Variants in CMSS1 observed in about 807,000 individuals in gnomAD.
The protein encoded by CMSS1 is cms1 ribosomal small subunit homolog, also known as protein CMSS1.
A neutral mutation model predicts 43.5 loss-of-function variants in CMSS1; 33 were observed. That is an observed-to-expected ratio of 0.76 (90% CI 0.57 to 1.01). CMSS1 has a LOEUF of 1.01. CMSS1 is among the 50% of genes least tolerant of loss of function. The pLI is 0.00. For missense variants in CMSS1, 313 were observed against 326.4 expected (o/e 0.96, Z 0.32); for synonymous variants, 115 against 117.2 (o/e 0.98, Z 0.12).
At chr3:100,114,693 C>G (rs2066541948) in intron 1 of CMSS1, among the ~76,000 whole-genome samples, 1 of 152,136 alleles carries the variant, frequency 6.6e-6, no homozygotes, top group Non-Finnish European at 1.5e-5. Context: ...TGTGTTGCTA[C>G]CCCAGATATA....
intron 1 of CMSS1, among the ~76,000 whole-genome samples, chr3:99,970,221 A>C (rs1037273010): frequency 6.6e-6 from 1 of 152,226 alleles, no homozygotes; most frequent in African/African-American, 2.4e-5. Flanking sequence ...AATAATAAGT[A>C]ATTTGCCCAA....
chr3:99,986,844 A>G (rs1709355931), intron 1 of CMSS1, among the ~76,000 whole-genome samples: 1 of 152,210 alleles, frequency 6.6e-6, no homozygotes, highest in Non-Finnish European at 1.5e-5. Context: ...CCTCCACAGC[A>G]AAGAGTTATT....
At chr3:100,176,226 C>G in intron 8 of CMSS1, 101 bp from the exon 9 acceptor site, 6 of 760,734 alleles carry the variant, frequency 7.9e-6, no homozygotes, top group Non-Finnish European at 1.3e-5. Context: ...GGGGAGAGGA[C>G]AACATATGAG....
chr3:100,162,907 C>G (rs538999620), intron 4 of CMSS1, among the ~76,000 whole-genome samples: 1 of 151,904 alleles, frequency 6.6e-6, no homozygotes, highest in South Asian at 2.1e-4. Flanking sequence ...TCTGGGAGGC[C>G]GAGGTTACAG....
rs143426035 is a variant in CMSS1 at position 100,138,597 on chromosome 3, A to G, written c.65-8376A>G. On this transcript the variant is annotated intron_variant, in intron 1 of 9. Coordinates refer to ENST00000421999, the MANE Select transcript of CMSS1 (RefSeq NM_032359.4). Reference sequence around the variant, plus strand: ...ACAGACATATGAAAAAAAGCTCAACATCACTGATCATTAGAGAAATGCAAA... The same window carrying G: ...ACAGACATATGAAAAAAAGCTCAACGTCACTGATCATTAGAGAAATGCAAA... 7.4e-4 allele frequency among the ~76,000 whole-genome samples: 112 copies of G among 152,368 alleles called. 1 individual carries two copies. In the East Asian group the frequency reaches 0.02, roughly 27 times the overall value.
chr3:99,836,221 A>C (rs910586372), intron 1 of CMSS1, among the ~76,000 whole-genome samples: 2 of 152,184 alleles, frequency 1.3e-5, no homozygotes, highest in Non-Finnish European at 2.9e-5. Context: ...GGGGAGTAGT[A>C]GTACAAATAA....
chr3:99,972,296 C>G (rs537233652), intron 1 of CMSS1, among the ~76,000 whole-genome samples: 16 of 152,164 alleles, frequency 1.1e-4, no homozygotes, highest in Middle Eastern at 3.4e-3. Context: ...GTTCATTTGC[C>G]GAATTGACTT....
chr3:99,933,573 C>A (rs1335105301), intron 1 of CMSS1, among the ~76,000 whole-genome samples: 4 of 152,092 alleles, frequency 2.6e-5, no homozygotes, highest in African/African-American at 9.7e-5. Context: ...AATTATCTTT[C>A]CCCACCCCTA....
intron 1 of CMSS1, among the ~76,000 whole-genome samples, chr3:100,143,308 G>A (rs72936575): frequency 0.033 from 4,962 of 152,256 alleles, 262 homozygotes; most frequent in African/African-American, 0.11. Context: ...CTAGCACTGT[G>A]TCAAATAAGA....
chr3:100,050,929 T>A (rs1935067261), intron 1 of CMSS1, among the ~76,000 whole-genome samples: 1 of 152,192 alleles, frequency 6.6e-6, no homozygotes, highest in Non-Finnish European at 1.5e-5. Flanking sequence ...GGAAGAGTCT[T>A]CAAGAATTTG....
At chr3:100,045,992 G>A (rs1459438465) in intron 1 of CMSS1, among the ~76,000 whole-genome samples, 1 of 152,158 alleles carries the variant, frequency 6.6e-6, no homozygotes, top group Non-Finnish European at 1.5e-5. Context: ...TGCATTCTTG[G>A]TGGAAAAATG....
At chr3:99,938,863 C>G (rs73858967) in intron 1 of CMSS1, among the ~76,000 whole-genome samples, 2,236 of 152,132 alleles carry the variant, frequency 0.015, 54 homozygotes, top group African/African-American at 0.052. Flanking sequence ...TATTGCCCTA[C>G]TCACCCACAT....
chr3:100,119,294 A>C (rs2066601019), intron 1 of CMSS1, among the ~76,000 whole-genome samples: 1 of 152,344 alleles, frequency 6.6e-6, no homozygotes, highest in Non-Finnish European at 1.5e-5. Context: ...TAGCAGAGCT[A>C]GATCACAGGA....
intron 1 of CMSS1, among the ~76,000 whole-genome samples, chr3:99,954,909 C>A (rs1020354005): frequency 6.6e-6 from 1 of 152,122 alleles, no homozygotes; most frequent in Admixed American, 6.6e-5. Flanking sequence ...CTAAGCACCA[C>A]GTCTGGCATA....
chr3:99,914,538 C>T (rs1286897344), intron 1 of CMSS1, among the ~76,000 whole-genome samples: 5 of 152,076 alleles, frequency 3.3e-5, no homozygotes, highest in Admixed American at 3.3e-4. Flanking sequence ...AACATCATAT[C>T]ATGTTTAAAT....
chr3:99,979,711 C>G (rs1709065752), intron 1 of CMSS1, among the ~76,000 whole-genome samples: 1 of 151,922 alleles, frequency 6.6e-6, no homozygotes, highest in African/African-American at 2.4e-5. Context: ...ATTTTTACAC[C>G]AACATTTATG....
chr3:100,175,285 G>A (rs937484978), intron 8 of CMSS1, among the ~76,000 whole-genome samples: 4 of 152,134 alleles, frequency 2.6e-5, no homozygotes, highest in African/African-American at 7.2e-5. Flanking sequence ...AAGCATTTTG[G>A]CTGGGCACCG....
chr3:99,834,961 C>T (rs1942836888), intron 1 of CMSS1, among the ~76,000 whole-genome samples: 1 of 152,140 alleles, frequency 6.6e-6, no homozygotes. Flanking sequence ...AAGTCCCTGG[C>T]CCATCTAAAG....
intron 1 of CMSS1, among the ~76,000 whole-genome samples, chr3:99,829,602 T>C (rs1465948905): frequency 6.6e-6 from 1 of 152,218 alleles, no homozygotes; most frequent in Non-Finnish European, 1.5e-5. Context: ...AATCTAGGAT[T>C]GGAATTTGAG....
Sources: gnomAD v4.1 joint callset for allele counts (sites outside exome capture counted in the v4.1 genomes callset) on GRCh38, gnomAD v4.1.1 for gene constraint, MANE v1.5 for transcripts, NCBI Gene and HGNC (gene_info 2026-07-23, HGNC 2026-07-21) for gene names.